HEPHL1: variants seen among roughly 807,000 people sequenced by gnomAD.
The protein encoded by HEPHL1 is hephaestin like 1.
Under a neutral mutation model 122.0 loss-of-function variants are expected in HEPHL1, and 123 were observed. The ratio of observed to expected loss-of-function variants is 1.01; its 90% CI spans 0.87 to 1.17. HEPHL1 has a LOEUF of 1.17. Ranked by LOEUF, HEPHL1 falls within the 50% of genes most tolerant of loss-of-function variation. The probability of loss-of-function intolerance (pLI) is 0.00; values close to 1 mark genes in which losing one functional copy is unlikely to be tolerated. For synonymous variants in HEPHL1, 527 were observed against 508.9 expected, an observed-to-expected ratio of 1.04 and a Z score of -0.48; for missense variants, 1,452 against 1,430.5, an observed-to-expected ratio of 1.01 and a Z score of -0.24.
intron 11 of HEPHL1, 120 bp from the exon 12 acceptor site, chr11:94,088,635 T>C (rs1336538843): frequency 1.4e-6 from 1 of 727,110 alleles, no homozygotes; most frequent in Non-Finnish European, 2.2e-6. Flanking sequence ...AGACAACTGG[T>C]ATTTTAAAAA....
At chr11:94,100,801 A>G (rs557033182) in intron 13 of HEPHL1, among the ~76,000 whole-genome samples, 1 of 152,312 alleles carries the variant, frequency 6.6e-6, no homozygotes, top group South Asian at 2.1e-4. Context: ...CTCAGTAGTA[A>G]AAAAGCATTT....
At chr11:94,107,270 T>A (rs1478354386) in intron 17 of HEPHL1, among the ~76,000 whole-genome samples, 1 of 152,252 alleles carries the variant, frequency 6.6e-6, no homozygotes, top group African/African-American at 2.4e-5. Context: ...ATTAGCCTGC[T>A]ATGATTAGAG....
At position 94,045,755 on chromosome 11, in the gene HEPHL1, G is replaced by T. The variant is rs777277535; in HGVS notation, c.253G>T (p.Gly85Ter). Residue 85 changes from glycine (G) to a stop codon, truncating the protein, a stop_gained, in exon 2 of 20, where the codon GGA becomes TGA. Transcript: ENST00000315765. LOFTEE classifies it high-confidence loss of function. ...KKAVYRRFTD[G>*]TYSIEIPKPP... Reference sequence around the variant, plus strand: ...GGCTGTTTACAGACGCTTCACGGATGGAACCTACTCCATAGAGATCCCCAA... The same window carrying T: ...GGCTGTTTACAGACGCTTCACGGATTGAACCTACTCCATAGAGATCCCCAA... 1.9e-6 allele frequency: 3 copies of T among 1,613,738 alleles called. No individual in the cohort carries two copies. The highest frequency in any genetic ancestry group is 1.7e-5 in the Admixed American group (1 of 59,954).
In HEPHL1 at chr11:94,094,585, C is replaced by G. The variant is rs190206495; in HGVS notation, c.2434+945C>G. 5.3e-4 allele frequency among the ~76,000 whole-genome samples: 81 copies of G among 152,348 alleles called. No individual in the cohort carries two copies. In the East Asian group the frequency reaches 0.015, roughly 28 times the overall value. On this transcript the variant is annotated intron_variant, in intron 13 of 19. Coordinates refer to ENST00000315765, the MANE Select transcript of HEPHL1 (RefSeq NM_001098672.2). ...TGAGGAATTGCCACACTGTCTTCCA[C>G]AATGGTTTAACTAGTTTACAGTCCC...
intron 1 of HEPHL1, among the ~76,000 whole-genome samples, chr11:94,037,062 G>C (rs1268503877): frequency 2.6e-5 from 4 of 152,184 alleles, no homozygotes; most frequent in African/African-American, 4.8e-5. Flanking sequence ...CCTGGGAAGC[G>C]CAAGGGGTCA....
Position 94,104,647 on chromosome 11 carries a change from G to A in HEPHL1, c.2802G>A (p.Glu934=). The part of the protein sequence containing the change: ...EFALLFLVFN[E]NESWYLDDNI... ...CTCTCTTGTTTTTGGTATTTAATGAGAATGAATCCTGGTATCTGGATGACA... is the reference window on the plus strand; with the variant it reads ...CTCTCTTGTTTTTGGTATTTAATGAAAATGAATCCTGGTATCTGGATGACA... Residue 934 remains glutamate (E), a synonymous_variant, in exon 16 of 20, where the codon GAG becomes GAA. Coordinates refer to ENST00000315765, the MANE Select transcript of HEPHL1 (RefSeq NM_001098672.2). 1.2e-6 allele frequency: 2 copies of A among 1,613,738 alleles called. No homozygotes were observed. Among genetic ancestry groups the A allele is most frequent in the Non-Finnish European group, 8.5e-7 (1 of 1,179,660 alleles).
At chr11:94,099,396 G>A (rs1448157078) in intron 13 of HEPHL1, among the ~76,000 whole-genome samples, 1 of 152,174 alleles carries the variant, frequency 6.6e-6, no homozygotes, top group Non-Finnish European at 1.5e-5. Context: ...AGGGGTGCCT[G>A]GCCGTGTGAG....
intron 12 of HEPHL1, among the ~76,000 whole-genome samples, chr11:94,091,213 G>T (rs1946261847): frequency 6.6e-6 from 1 of 152,092 alleles, no homozygotes; most frequent in Non-Finnish European, 1.5e-5. Context: ...ACCAGTTTTT[G>T]CTCAGCATCT....
chr11:94,061,748 T>C (rs1042637312), intron 2 of HEPHL1, among the ~76,000 whole-genome samples: 1 of 152,184 alleles, frequency 6.6e-6, no homozygotes. Context: ...TAAGAAATTG[T>C]TTTAAAAAGA....
At chr11:94,023,450 T>C (rs1945598243) in intron 1 of HEPHL1, among the ~76,000 whole-genome samples, 1 of 152,198 alleles carries the variant, frequency 6.6e-6, no homozygotes. Context: ...AGTACTACAA[T>C]GCTGTTTTCA....
intron 15 of HEPHL1, among the ~76,000 whole-genome samples, chr11:94,103,225 T>A (rs944261521): frequency 2.1e-4 from 29 of 136,906 alleles, no homozygotes; most frequent in African/African-American, 7.8e-4. Flanking sequence ...AGAGACTATA[T>A]GGCCCACAAA....
At chr11:94,101,067 A>G in intron 13 of HEPHL1, 128 bp from the exon 14 acceptor site, 2 of 911,798 alleles carry the variant, frequency 2.2e-6, no homozygotes, top group Non-Finnish European at 3.5e-6. Context: ...GAGTAGAGTT[A>G]TATATGCCTT....
chr11:94,037,524 G>A (rs1433672878), intron 1 of HEPHL1, among the ~76,000 whole-genome samples: 2 of 152,158 alleles, frequency 1.3e-5, no homozygotes, highest in African/African-American at 4.8e-5. Flanking sequence ...GGAGATCTGA[G>A]AACGGGCAGA....
At position 94,067,670 on chromosome 11, in the gene HEPHL1, C is replaced by T; in HGVS notation, c.983C>T (p.Ala328Val). 1 of 1,613,728 alleles carries T rather than the reference C, an allele frequency of 6.2e-7. No individual in the cohort carries two copies. Among genetic ancestry groups the T allele is most frequent in the South Asian group, 1.1e-5 (1 of 91,080 alleles). ...HRTDVVNLFP[A>V]TFLTTEMIAE... is the part of the protein sequence containing the mutation. ...ACTGATGTCGTCAACCTGTTCCCAGCCACCTTCCTTACAACAGAAATGATA... is the reference window on the plus strand; with the variant it reads ...ACTGATGTCGTCAACCTGTTCCCAGTCACCTTCCTTACAACAGAAATGATA... Residue 328 changes from alanine to valine, a missense_variant, in exon 5 of 20, where the codon GCC becomes GTC. By Grantham distance (64) the Ala-to-Val change is moderately conservative. Coordinates refer to ENST00000315765, the MANE Select transcript of HEPHL1 (RefSeq NM_001098672.2).
chr11:94,050,020 T>C (rs1367590114), intron 2 of HEPHL1, among the ~76,000 whole-genome samples: 1 of 152,186 alleles, frequency 6.6e-6, no homozygotes, highest in Admixed American at 6.5e-5. Flanking sequence ...TTAATTTCTC[T>C]CAGTAATGTT....
intron 2 of HEPHL1, among the ~76,000 whole-genome samples, chr11:94,057,405 A>G (rs1658331492): frequency 6.6e-6 from 1 of 152,090 alleles, no homozygotes. Context: ...TACACATGTT[A>G]GTAAATACAT....
In HEPHL1 at chr11:94,045,692, G is replaced by A. The variant is rs761297134; in HGVS notation, c.190G>A (p.Glu64Lys). 7.3e-5 allele frequency: 118 copies of A among 1,606,360 alleles called. No homozygotes were observed. Among genetic ancestry groups the A allele is most frequent in the African/African-American group, 1.1e-4 (8 of 74,670 alleles). Residue 64 changes from glutamate (E) to lysine (K), a missense_variant, in exon 2 of 20, where the codon GAA becomes AAA. By Grantham distance (56) the Glu-to-Lys change is moderately conservative. Transcript: ENST00000315765. Reference protein sequence around the residue: ...TEDKLATLFLERGPNRIGSIY... With the variant: ...TEDKLATLFLKRGPNRIGSIY... ...TTTTAGACTTGCAACCTTATTTCTCGAAAGAGGGCCCAACAGGATAGGCAG... is the reference window on the plus strand; with the variant it reads ...TTTTAGACTTGCAACCTTATTTCTCAAAAGAGGGCCCAACAGGATAGGCAG...
chr11:94,064,558 T>C (rs1346417296), intron 4 of HEPHL1, 48 bp downstream of exon 4: 2 of 1,299,268 alleles, frequency 1.5e-6, no homozygotes, highest in Non-Finnish European at 2.2e-6. Context: ...TTTTATACTA[T>C]AAGGTACTAC....
At chr11:94,057,983 C>T (rs752421810) in intron 2 of HEPHL1, among the ~76,000 whole-genome samples, 2 of 151,940 alleles carry the variant, frequency 1.3e-5, no homozygotes, top group Non-Finnish European at 2.9e-5. Context: ...TGTGGATTAT[C>T]TTTCCTATAG....
Sources: gnomAD v4.1 joint callset for allele counts (sites outside exome capture counted in the v4.1 genomes callset) on GRCh38, gnomAD v4.1.1 for gene constraint, MANE v1.5 for transcripts, NCBI Gene and HGNC (gene_info 2026-07-23, HGNC 2026-07-21) for gene names.